The following GLG1 variants were observed in gnomAD, a reference collection of about 807,000 sequenced individuals.
GLG1 encodes the protein golgi glycoprotein 1.
A neutral mutation model predicts 160.5 loss-of-function variants in GLG1; 38 were observed. The observed-to-expected ratio is 0.24, with a 90% CI of 0.18 to 0.31. The LOEUF (loss-of-function observed/expected upper bound fraction) is 0.31. Ranked by LOEUF, GLG1 falls within the 10% of genes least tolerant of loss-of-function variation. GLG1 has a pLI of 1.00. For synonymous variants in GLG1, 644 were observed against 543.4 expected (o/e 1.19, Z -2.57); for missense variants, 1,373 against 1,505.2 (o/e 0.91, Z 1.45).
chr16:74,529,272 A>C (rs187053843), intron 2 of GLG1, among the ~76,000 whole-genome samples: 3 of 152,228 alleles, frequency 2.0e-5, no homozygotes, highest in Non-Finnish European at 4.4e-5. Flanking sequence ...CCTGGCCATG[A>C]ATCTGTTTTT....
At chr16:74,466,231 T>A (rs1247273579) in intron 18 of GLG1, among the ~76,000 whole-genome samples, 8 of 152,216 alleles carry the variant, frequency 5.3e-5, no homozygotes, top group Non-Finnish European at 4.4e-5. Flanking sequence ...TACTGGATGC[T>A]AGATATGAAT....
intron 4 of GLG1, among the ~76,000 whole-genome samples, chr16:74,502,789 C>G (rs2016457097): frequency 7.5e-6 from 1 of 132,938 alleles, no homozygotes; most frequent in African/African-American, 2.9e-5. Context: ...CCAGGATGGT[C>G]TTGATCTCCT....
intron 17 of GLG1, 54 bp from the exon 18 acceptor site, chr16:74,467,902 A>T (rs560556397): frequency 2.5e-6 from 3 of 1,196,188 alleles, no homozygotes; most frequent in Non-Finnish European, 3.7e-6. Context: ...TGGAGATGTC[A>T]TATGTTCTGG....
At chr16:74,602,499 C>T (rs1958461237) in intron 1 of GLG1, among the ~76,000 whole-genome samples, 4 of 152,234 alleles carry the variant, frequency 2.6e-5, no homozygotes, top group Non-Finnish European at 4.4e-5. Context: ...AATAAAAGGG[C>T]GGGGCTGGGC....
chr16:74,529,809 GTTCTTTTT>G (rs2017469992), intron 2 of GLG1, among the ~76,000 whole-genome samples: 1 of 104,104 alleles, frequency 9.6e-6, no homozygotes, highest in Non-Finnish European at 1.8e-5. Flanking sequence ...CTCTTTGAGA[GTTCTTTTT>G]TTTTTTTTTT....
At chr16:74,589,124 G>A (rs948066168) in intron 1 of GLG1, among the ~76,000 whole-genome samples, 2 of 151,802 alleles carry the variant, frequency 1.3e-5, no homozygotes, top group East Asian at 1.9e-4. Flanking sequence ...GCGTGGTGGC[G>A]TGCACCTGTA....
At chr16:74,454,443 G>A (rs1177968230) in intron 25 of GLG1, among the ~76,000 whole-genome samples, 3 of 151,022 alleles carry the variant, frequency 2.0e-5, no homozygotes, top group East Asian at 4.0e-4. Flanking sequence ...CTGAGATGGT[G>A]GACCATGAAG....
chr16:74,460,116 T>C (rs1251522922), intron 22 of GLG1, among the ~76,000 whole-genome samples: 1 of 151,432 alleles, frequency 6.6e-6, no homozygotes, highest in Non-Finnish European at 1.5e-5. Context: ...CTGCCTCTCA[T>C]GTTCAAGTGA....
chr16:74,537,938 G>C (rs1274405993), intron 1 of GLG1, among the ~76,000 whole-genome samples: 4 of 152,174 alleles, frequency 2.6e-5, no homozygotes, highest in Admixed American at 6.5e-5. Context: ...TCCCCAAGGT[G>C]AACAGGCTGA....
intron 22 of GLG1, among the ~76,000 whole-genome samples, chr16:74,460,665 G>A (rs1486297036): frequency 6.6e-6 from 1 of 152,160 alleles, no homozygotes; most frequent in Non-Finnish European, 1.5e-5. Flanking sequence ...AGTTTCCTGG[G>A]GGTTTCGTGC....
rs2016462349 is a variant in GLG1 at position 74,502,917 on chromosome 16, C to G, written c.774+614G>C. Among the ~76,000 whole-genome samples, 4 of 150,296 alleles carry G rather than the reference C, an allele frequency of 2.7e-5. No individual in the cohort carries two copies. The South Asian group carries it at 8.6e-4, about 32-fold the overall frequency. Reference sequence around the variant, plus strand: ...GTGGGACATATGCAGAGAAAGATTACTGAACTTGGCCGGGACCGGTGGCTC... The same window carrying G: ...GTGGGACATATGCAGAGAAAGATTAGTGAACTTGGCCGGGACCGGTGGCTC... On this transcript the variant is annotated intron_variant, in intron 4 of 25. Coordinates refer to ENST00000422840, the MANE Select transcript of GLG1 (RefSeq NM_001145667.2).
At position 74,451,745 on chromosome 16, in the gene GLG1, A is replaced by G. The variant is rs533857540; in HGVS notation, c.*1422T>C. On this transcript the variant is annotated 3_prime_UTR_variant, in exon 26 of 26. Coordinates refer to ENST00000422840, the MANE Select transcript of GLG1 (RefSeq NM_001145667.2). ...CTCATGCCCCAAACTCAACCAAAGG[A>G]GTGCCACGCTGAACCATGATGCCCG... 3.2e-5 allele frequency: 11 copies of G among 342,868 alleles called. No homozygotes were observed. Among genetic ancestry groups the G allele is most frequent in the Non-Finnish European group, 5.6e-5 (10 of 179,986 alleles). The allele number at this position is 342,868 out of a possible 1,614,324, so 21.2% of individuals were successfully genotyped here. A position where few individuals can be genotyped will look rare whatever the true frequency, so the allele number is the denominator to read the frequency against.
rs138910494 is a variant in GLG1 at position 74,578,777 on chromosome 16, A to G, written c.438+27880T>C. Among the ~76,000 whole-genome samples the G allele has an allele frequency of 3.5e-3, 535 of 152,360 alleles. 1 individual carries two copies. Among genetic ancestry groups the G allele is most frequent in the African/African-American group, 0.013 (527 of 41,598 alleles). On this transcript the variant is annotated intron_variant, in intron 1 of 25. Coordinates refer to ENST00000422840, the MANE Select transcript of GLG1 (RefSeq NM_001145667.2). ...AGATATATTGATTCTGTGGTTTTTT[A>G]AAATCTTCCCCAATACAATTAACAT...
chr16:74,460,779 T>G (rs2014759767), intron 22 of GLG1, among the ~76,000 whole-genome samples: 1 of 152,236 alleles, frequency 6.6e-6, no homozygotes, highest in Non-Finnish European at 1.5e-5. Flanking sequence ...CACTGAGACT[T>G]GAGTCAGATC....
At chr16:74,472,635 C>G (rs972384145) in intron 13 of GLG1, 56 of 1,308,004 alleles carry the variant, frequency 4.3e-5, no homozygotes, top group Non-Finnish European at 5.8e-5. Flanking sequence ...CCCTTTCGGC[C>G]TGAACAAATG....
intron 1 of GLG1, among the ~76,000 whole-genome samples, chr16:74,585,031 ACAC>A (rs1301112877): frequency 2.0e-5 from 3 of 152,182 alleles, no homozygotes; most frequent in Admixed American, 6.6e-5. Flanking sequence ...ATGTAACCAA[ACAC>A]CACATGTTCC....
chr16:74,491,857 G>C (rs2016003944), intron 7 of GLG1, among the ~76,000 whole-genome samples: 1 of 151,228 alleles, frequency 6.6e-6, no homozygotes, highest in Non-Finnish European at 1.5e-5. Context: ...TCGATCTCCT[G>C]ACCTCGTGAT....
intron 1 of GLG1, among the ~76,000 whole-genome samples, chr16:74,535,984 C>A (rs915634965): frequency 6.6e-6 from 1 of 151,758 alleles, no homozygotes; most frequent in Non-Finnish European, 1.5e-5. Context: ...TTTATACTAC[C>A]CGGGGAATGG....
intron 14 of GLG1, among the ~76,000 whole-genome samples, 168 bp from the exon 15 acceptor site, chr16:74,471,454 A>C (rs1044564687): frequency 1.3e-5 from 2 of 152,226 alleles, no homozygotes; most frequent in African/African-American, 4.8e-5. Context: ...AATGGTATAC[A>C]TTCAGTGGCA....
Sources: allele counts gnomAD v4.1 joint callset (sites outside exome capture counted in the v4.1 genomes callset), GRCh38; gene constraint gnomAD v4.1.1; transcripts MANE v1.5; gene names NCBI Gene and HGNC (gene_info 2026-07-23, HGNC 2026-07-21).